The following TYW1 variants were observed in gnomAD, a reference collection of about 807,000 sequenced individuals.
TYW1 encodes tRNA-yW synthesizing protein 1 homolog, also known as S-adenosyl-L-methionine-dependent tRNA 4-demethylwyosine synthase TYW1.
In TYW1, 46 loss-of-function variants were observed where a neutral mutation model predicts 96.2. The observed-to-expected ratio is 0.48, with a 90% confidence interval of 0.38 to 0.61. The LOEUF is 0.61. TYW1 is among the 20% of genes least tolerant of loss of function. The pLI is 0.00. For missense variants in TYW1, 684 were observed against 909.6 expected, an observed-to-expected ratio of 0.75 and a Z score of 3.19; for synonymous variants, 274 against 323.0, an observed-to-expected ratio of 0.85 and a Z score of 1.63.
intron 8 of TYW1, among the ~76,000 whole-genome samples, chr7:67,051,445 C>T (rs991913648): frequency 1.3e-5 from 2 of 152,100 alleles, no homozygotes; most frequent in African/African-American, 2.4e-5. Context: ...ATAGCTGAGA[C>T]TACAGGTGTA....
At chr7:67,178,713 C>T (rs1211565955) in intron 13 of TYW1, among the ~76,000 whole-genome samples, 1 of 151,892 alleles carries the variant, frequency 6.6e-6, no homozygotes, top group African/African-American at 2.4e-5. Flanking sequence ...ACATAAATTC[C>T]AAACACAGGC....
chr7:67,098,023 C>A (rs1796973841), intron 11 of TYW1, among the ~76,000 whole-genome samples: 1 of 152,032 alleles, frequency 6.6e-6, no homozygotes, highest in Non-Finnish European at 1.5e-5. Flanking sequence ...TTTTGAAGCT[C>A]CTCAGGTGAT....
At chr7:67,113,637 T>G (rs1797497464) in intron 12 of TYW1, among the ~76,000 whole-genome samples, 1 of 129,576 alleles carries the variant, frequency 7.7e-6, no homozygotes, top group Non-Finnish European at 1.6e-5. Context: ...TTCTTTTTCT[T>G]TTTCTTTCTT....
Position 67,098,705 on chromosome 7 carries a change from C to T in TYW1, c.1549C>T (p.Pro517Ser), listed in dbSNP as rs866080647. The T allele has an allele frequency of 1.2e-6, 2 of 1,613,810 alleles. No individual in the cohort carries two copies. The highest frequency in any genetic ancestry group is 1.7e-6 in the Non-Finnish European group (2 of 1,179,814). The change falls in exon 12 of 16, where the codon CCT (proline) becomes TCT (serine). Residue 517 changes from proline (P) to serine (S), a missense_variant. Coordinates refer to ENST00000359626, the MANE Select transcript of TYW1 (RefSeq NM_018264.4). ...CTTCCTGGTCACAAACGCACAATTT[C>T]CTGCGGAAATCAGGTGAGTTCTCCA... ...SSFLVTNAQF[P>S]AEIRNLEPVT...
intron 4 of TYW1, 26 bp downstream of exon 4, chr7:67,009,710 C>T: frequency 6.5e-7 from 1 of 1,548,690 alleles, no homozygotes; most frequent in Non-Finnish European, 8.8e-7. Context: ...TTTCTTCAGT[C>T]AAAACTCTCA....
chr7:67,146,520 AC>A (rs1258786896), intron 13 of TYW1, among the ~76,000 whole-genome samples: 1 of 151,756 alleles, frequency 6.6e-6, no homozygotes, highest in Non-Finnish European at 1.5e-5. Flanking sequence ...ATGGAGCAAG[AC>A]CAACAAAAGT....
At chr7:67,153,754 T>G (rs570180160) in intron 13 of TYW1, among the ~76,000 whole-genome samples, 1 of 152,198 alleles carries the variant, frequency 6.6e-6, no homozygotes, top group Non-Finnish European at 1.5e-5. Flanking sequence ...TATACTTGAA[T>G]TTTTAAAGTG....
intron 7 of TYW1, among the ~76,000 whole-genome samples, chr7:67,033,727 G>A (rs1488577333): frequency 2.0e-5 from 3 of 147,384 alleles, no homozygotes; most frequent in Admixed American, 1.4e-4. Flanking sequence ...ACGGAGTCTC[G>A]CTCTGTTGCC....
At chr7:67,059,149 G>T (rs1795619217) in intron 9 of TYW1, among the ~76,000 whole-genome samples, 1 of 149,404 alleles carries the variant, frequency 6.7e-6, no homozygotes, top group African/African-American at 2.5e-5. Context: ...ACCCAGGCTG[G>T]AGTGCAGTGG....
chr7:67,188,753 T>C (rs1033597800), intron 14 of TYW1, among the ~76,000 whole-genome samples: 10 of 152,272 alleles, frequency 6.6e-5, no homozygotes, highest in African/African-American at 2.4e-4. Flanking sequence ...TTTAGTATTA[T>C]GGTACCTCAA....
chr7:67,134,490 C>G (rs1798182713), intron 13 of TYW1, among the ~76,000 whole-genome samples: 1 of 151,040 alleles, frequency 6.6e-6, no homozygotes, highest in Non-Finnish European at 1.5e-5. Context: ...TGCAGTGAGC[C>G]AAGATCACGC....
At chr7:67,004,307 G>A (rs1416703909) in intron 3 of TYW1, among the ~76,000 whole-genome samples, 2 of 152,086 alleles carry the variant, frequency 1.3e-5, no homozygotes, top group Non-Finnish European at 2.9e-5. Flanking sequence ...GGAGGTGTTT[G>A]GGTCCTGGGG....
chr7:67,226,053 A>G (rs1040068267), intron 15 of TYW1, among the ~76,000 whole-genome samples: 1 of 151,908 alleles, frequency 6.6e-6, no homozygotes, highest in Non-Finnish European at 1.5e-5. Flanking sequence ...GAAGTTCACA[A>G]GATACCACTG....
chr7:67,094,651 AGT>A (rs56069939), intron 11 of TYW1, among the ~76,000 whole-genome samples: 44,489 of 141,182 alleles, frequency 0.32, 6,855 homozygotes, highest in South Asian at 0.39. Flanking sequence ...AGAGAATTAG[AGT>A]GTGTGTGTGT....
intron 13 of TYW1, among the ~76,000 whole-genome samples, chr7:67,149,012 C>T (rs1798704944): frequency 1.3e-5 from 2 of 152,162 alleles, no homozygotes; most frequent in Non-Finnish European, 2.9e-5. Flanking sequence ...CACCCCCAAC[C>T]CCCGGTCTTG....
chr7:67,225,284 C>A (rs1801526070), intron 15 of TYW1, among the ~76,000 whole-genome samples: 1 of 151,698 alleles, frequency 6.6e-6, no homozygotes, highest in Non-Finnish European at 1.5e-5. Context: ...AAATACAAAG[C>A]CTACTTTGAA....
chr7:67,228,014 G>A (rs184108900), intron 15 of TYW1, among the ~76,000 whole-genome samples: 1 of 152,312 alleles, frequency 6.6e-6, no homozygotes, highest in East Asian at 1.9e-4. Context: ...TTGCACTGGT[G>A]AATGTGTTTT....
chr7:67,115,213 T>C (rs1465680313), intron 12 of TYW1, among the ~76,000 whole-genome samples: 2 of 150,920 alleles, frequency 1.3e-5, no homozygotes, highest in African/African-American at 4.9e-5. Flanking sequence ...CAGATGATGA[T>C]AGCCAGCAGT....
chr7:67,188,099 T>A (rs1800085500), intron 14 of TYW1, among the ~76,000 whole-genome samples: 1 of 152,162 alleles, frequency 6.6e-6, no homozygotes, highest in Non-Finnish European at 1.5e-5. Context: ...GTCAGGCAGA[T>A]CACTTGAGGT....
Sources: gnomAD v4.1 joint callset for allele counts (sites outside exome capture counted in the v4.1 genomes callset) on GRCh38, gnomAD v4.1.1 for gene constraint, MANE v1.5 for transcripts, NCBI Gene and HGNC (gene_info 2026-07-23, HGNC 2026-07-21) for gene names.